The following OSMR variants were observed in gnomAD, a reference collection of about 807,000 sequenced individuals.
The protein encoded by OSMR is oncostatin M receptor.
Under a neutral mutation model 99.9 loss-of-function variants are expected in OSMR, and 81 were observed. The ratio of observed to expected loss-of-function variants is 0.81; its 90% CI spans 0.68 to 0.97. The LOEUF is 0.97. OSMR is among the 50% of genes least tolerant of loss of function. The pLI is 0.00. For synonymous variants in OSMR, 406 were observed against 410.4 expected (o/e 0.99, Z 0.13); for missense variants, 1,099 against 1,153.4 (o/e 0.95, Z 0.68).
Position 38,866,156 on chromosome 5 carries a change from C to T in OSMR, c.-13-2876C>T, listed in dbSNP as rs73075344. 3.2e-3 allele frequency among the ~76,000 whole-genome samples: 484 copies of T among 152,298 alleles called. 4 individuals carry two copies. The highest frequency in any genetic ancestry group is 0.011 in the African/African-American group (457 of 41,568). On this transcript the variant is annotated intron_variant, in intron 1 of 17. Coordinates refer to ENST00000274276, the MANE Select transcript of OSMR (RefSeq NM_003999.3). Reference sequence around the variant, plus strand: ...CAAGACAGATCAATTCCCAGGCCCCCGCTTCATGTGTGCAGGCACTAGTGA... The same window carrying T: ...CAAGACAGATCAATTCCCAGGCCCCTGCTTCATGTGTGCAGGCACTAGTGA...
intron 11 of OSMR, among the ~76,000 whole-genome samples, chr5:38,920,144 T>C (rs1199340324): frequency 6.6e-6 from 1 of 152,132 alleles, no homozygotes. Context: ...AGAGCAATTA[T>C]GTATTTTGGG....
chr5:38,857,248 T>G (rs1158073888), intron 1 of OSMR, among the ~76,000 whole-genome samples: 1 of 152,244 alleles, frequency 6.6e-6, no homozygotes, highest in Non-Finnish European at 1.5e-5. Context: ...CTCTGAATCA[T>G]CTGCTTTTAA....
chr5:38,902,622 G>A (rs1264629756), intron 7 of OSMR, among the ~76,000 whole-genome samples: 2 of 152,104 alleles, frequency 1.3e-5, no homozygotes, highest in Non-Finnish European at 2.9e-5. Flanking sequence ...AGAGACTTTG[G>A]CAACAACCCT....
At chr5:38,847,774 C>T (rs972119392) in intron 1 of OSMR, among the ~76,000 whole-genome samples, 1 of 152,168 alleles carries the variant, frequency 6.6e-6, no homozygotes, top group Non-Finnish European at 1.5e-5. Context: ...TGTAAATTGC[C>T]TCCTTGTGAC....
intron 1 of OSMR, among the ~76,000 whole-genome samples, chr5:38,862,116 T>A (rs1445339544): frequency 3.0e-5 from 3 of 99,542 alleles, no homozygotes; most frequent in African/African-American, 7.9e-5. Flanking sequence ...CCCACCTCCC[T>A]CCCGGACGGG....
At chr5:38,910,727 T>G (rs1745522287) in intron 9 of OSMR, among the ~76,000 whole-genome samples, 1 of 152,182 alleles carries the variant, frequency 6.6e-6, no homozygotes, top group African/African-American at 2.4e-5. Flanking sequence ...GAGTAAAGTT[T>G]TGGCTGGGTG....
chr5:38,864,244 TTTTC>T (rs1741750554), intron 1 of OSMR, among the ~76,000 whole-genome samples: 1 of 152,214 alleles, frequency 6.6e-6, no homozygotes, highest in Non-Finnish European at 1.5e-5. Flanking sequence ...TTCTTTTTTC[TTTTC>T]TTTCTCTCTT....
intron 7 of OSMR, among the ~76,000 whole-genome samples, chr5:38,890,186 A>G (rs1744061187): frequency 6.6e-6 from 1 of 152,072 alleles, no homozygotes; most frequent in Non-Finnish European, 1.5e-5. Context: ...TACCTTGCTG[A>G]AAGTGTGGTC....
At chr5:38,927,002 G>A (rs530206581) in intron 15 of OSMR, among the ~76,000 whole-genome samples, 13 of 152,262 alleles carry the variant, frequency 8.5e-5, no homozygotes, top group African/African-American at 2.6e-4. Context: ...ATGCAAGTTC[G>A]AAATCCAATA....
At chr5:38,908,133 G>A (rs1485024145) in intron 9 of OSMR, among the ~76,000 whole-genome samples, 1 of 152,086 alleles carries the variant, frequency 6.6e-6, no homozygotes, top group Non-Finnish European at 1.5e-5. Context: ...CTGCAAACCA[G>A]CACACAGACA....
intron 2 of OSMR, among the ~76,000 whole-genome samples, chr5:38,873,988 C>T (rs553328136): frequency 1.3e-5 from 2 of 151,938 alleles, no homozygotes; most frequent in African/African-American, 4.8e-5. Flanking sequence ...GCCATGACAC[C>T]CAGCTACTTG....
intron 1 of OSMR, among the ~76,000 whole-genome samples, chr5:38,851,276 A>G (rs1159328494): frequency 6.6e-6 from 1 of 152,138 alleles, no homozygotes; most frequent in Admixed American, 6.6e-5. Context: ...AATTTCTCTT[A>G]TTCTGCCCAC....
downstream of OSMR, among the ~76,000 whole-genome samples, chr5:38,936,999 G>A (rs756478750): frequency 1.3e-5 from 2 of 152,146 alleles, no homozygotes; most frequent in Non-Finnish European, 2.9e-5. Context: ...AAGGATCAGC[G>A]GCATGATGAA....
At chr5:38,861,604 A>T (rs1385372897) in intron 1 of OSMR, among the ~76,000 whole-genome samples, 1 of 152,220 alleles carries the variant, frequency 6.6e-6, no homozygotes, top group Non-Finnish European at 1.5e-5. Context: ...CGCCATTGTC[A>T]TCCCGGCCCG....
chr5:38,863,192 A>AGAGGCG (rs1478079068), intron 1 of OSMR, among the ~76,000 whole-genome samples: 1 of 7,730 alleles, frequency 1.3e-4, no homozygotes, highest in Non-Finnish European at 2.5e-4. Flanking sequence ...AGGGAGAGGG[A>AGAGGCG]GAGGGGGAGG....
chr5:38,927,121 A>G (rs1294492815), intron 15 of OSMR, among the ~76,000 whole-genome samples: 2 of 152,280 alleles, frequency 1.3e-5, no homozygotes, highest in East Asian at 1.9e-4. Context: ...GGACAGTTCC[A>G]CCCCTGTGGC....
Position 38,904,910 on chromosome 5 carries a change from C to T in OSMR, c.1285+407C>T, listed in dbSNP as rs111320290. On this transcript the variant is annotated intron_variant, in intron 9 of 17. Coordinates refer to ENST00000274276, the MANE Select transcript of OSMR (RefSeq NM_003999.3). ...TTTGGAAATGTAATGACATTTGGAA[C>T]CTTAATGGTTATTTGTGAGTCATTT... Among the ~76,000 whole-genome samples, 726 of 152,258 alleles carry T rather than the reference C, an allele frequency of 4.8e-3. 7 individuals carry two copies. Among genetic ancestry groups the T allele is most frequent in the African/African-American group, 0.017 (693 of 41,550 alleles).
intron 13 of OSMR, 81 bp downstream of exon 13, chr5:38,923,335 G>T: frequency 1.1e-6 from 1 of 912,398 alleles, no homozygotes; most frequent in South Asian, 1.3e-5. Context: ...GGTTTAGGAA[G>T]CTGTCAGCAC....
intron 7 of OSMR, among the ~76,000 whole-genome samples, chr5:38,891,688 C>T (rs1196065704): frequency 6.6e-6 from 1 of 152,206 alleles, no homozygotes; most frequent in Non-Finnish European, 1.5e-5. Context: ...TGCCTGGAGT[C>T]TTTAGAGAGG....
Sources: allele counts gnomAD v4.1 joint callset (sites outside exome capture counted in the v4.1 genomes callset), GRCh38; gene constraint gnomAD v4.1.1; transcripts MANE v1.5; gene names NCBI Gene and HGNC (gene_info 2026-07-23, HGNC 2026-07-21).